The following GABRR1 variants were observed in gnomAD, a reference collection of about 807,000 sequenced individuals.
GABRR1 encodes the protein gamma-aminobutyric acid type A receptor subunit rho1.
Under a neutral mutation model 55.5 loss-of-function variants are expected in GABRR1, and 59 were observed. That is an observed-to-expected ratio of 1.06 (90% CI 0.86 to 1.32). The LOEUF (loss-of-function observed/expected upper bound fraction) is 1.32. GABRR1 is among the 40% of genes most tolerant of loss of function. The pLI is 0.00. For missense variants in GABRR1, 602 were observed against 619.1 expected (o/e 0.97, Z 0.29); for synonymous variants, 213 against 226.0 (o/e 0.94, Z 0.51).
chr6:89,181,503 A>G (rs1236453650), intron 8 of GABRR1, among the ~76,000 whole-genome samples: 1 of 152,226 alleles, frequency 6.6e-6, no homozygotes, highest in Non-Finnish European at 1.5e-5. Context: ...CTATAGATGC[A>G]GATGAGACCC....
intron 1 of GABRR1, among the ~76,000 whole-genome samples, chr6:89,226,298 G>A (rs941037258): frequency 1.4e-5 from 2 of 143,416 alleles, no homozygotes; most frequent in Non-Finnish European, 3.1e-5. Flanking sequence ...TTTGTCTTTT[G>A]TTGCCATTGC....
chr6:89,214,373 T>C (rs1046600059), intron 1 of GABRR1, among the ~76,000 whole-genome samples: 1 of 150,872 alleles, frequency 6.6e-6, no homozygotes, highest in Non-Finnish European at 1.5e-5. Flanking sequence ...TCCAAAAGCT[T>C]GGGCAACAAA....
intron 1 of GABRR1, 145 bp downstream of exon 1, chr6:89,217,056 C>T: frequency 1.4e-6 from 1 of 739,132 alleles, no homozygotes; most frequent in Non-Finnish European, 2.1e-6. Context: ...AGGGGAGCAG[C>T]AGGAGAACAA....
At chr6:89,218,097 A>T (rs184141953), upstream of GABRR1, among the ~76,000 whole-genome samples, 1 of 152,216 alleles carries the variant, frequency 6.6e-6, no homozygotes, top group African/African-American at 2.4e-5. Context: ...AGACTCTGCT[A>T]TAATCTACAG....
intron 7 of GABRR1, among the ~76,000 whole-genome samples, chr6:89,184,971 C>T (rs1456896883): frequency 4.0e-5 from 6 of 150,444 alleles, no homozygotes; most frequent in South Asian, 2.1e-4. Flanking sequence ...CTGTAACCTC[C>T]GACTCCAGGG....
intron 7 of GABRR1, among the ~76,000 whole-genome samples, chr6:89,184,132 C>T (rs369600723): frequency 6.6e-5 from 10 of 151,510 alleles, no homozygotes; most frequent in African/African-American, 2.2e-4. Context: ...CCCAGCTACT[C>T]GGGAGGCTGA....
chr6:89,178,809 G>T lies in GABRR1; in HGVS notation c.1401C>A (p.Tyr467Ter). Reference protein sequence around the residue: ...KYSRIIFPAAYILFNLIYWSI... With the variant: ...KYSRIIFPAA ...ACCAGTATATTAAATTGAATAAAAT[G>T]TATGCTGCTGGAAAGATGATCCTGG... Residue 467 changes from tyrosine to a stop codon, truncating the protein, a stop_gained, in exon 10 of 10, where the codon TAC becomes TAA. Coordinates refer to ENST00000454853, the MANE Select transcript of GABRR1 (RefSeq NM_002042.5). LOFTEE classifies it high-confidence loss of function. The T allele has an allele frequency of 6.2e-7, 1 of 1,613,958 alleles. No homozygotes were observed. Among genetic ancestry groups the T allele is most frequent in the East Asian group, 2.2e-5 (1 of 44,880 alleles).
rs1295743176 is a variant in GABRR1, at chr6:89,217,290, G to T, written c.33C>A (p.Ile11=). 4 of 1,614,012 alleles carry T rather than the reference G, an allele frequency of 2.5e-6. No individual in the cohort carries two copies. Among genetic ancestry groups the T allele is most frequent in the South Asian group, 1.1e-5 (1 of 91,086 alleles). The change falls in exon 1 of 10, where the codon ATC becomes ATA. Residue 11 remains isoleucine, a synonymous_variant. Coordinates refer to ENST00000454853, the MANE Select transcript of GABRR1 (RefSeq NM_002042.5). ...AAACCCATCCCCACCACAAAAGAAA[G>T]ATGCCAAATCTCATATTTGGGACAG... The part of the protein sequence containing the change: MLAVPNMRFG[I]FLLWWGWVLA...
At chr6:89,192,199 T>C (rs1772116946) in intron 5 of GABRR1, among the ~76,000 whole-genome samples, 1 of 152,110 alleles carries the variant, frequency 6.6e-6, no homozygotes, top group African/African-American at 2.4e-5. Flanking sequence ...TGTTACCTGG[T>C]GGAAGCTGAT....
chr6:89,207,940 A>C (rs1243313279), intron 1 of GABRR1, among the ~76,000 whole-genome samples: 1 of 152,190 alleles, frequency 6.6e-6, no homozygotes, highest in Non-Finnish European at 1.5e-5. Flanking sequence ...TACTGGTGGG[A>C]GATGGCAAGT....
At chr6:89,194,988 G>T (rs139716711) in intron 5 of GABRR1, among the ~76,000 whole-genome samples, 2 of 152,194 alleles carry the variant, frequency 1.3e-5, no homozygotes, top group African/African-American at 4.8e-5. Context: ...ATAATAACAG[G>T]AAACTTTCCA....
intron 2 of GABRR1, among the ~76,000 whole-genome samples, chr6:89,201,640 G>A (rs770671512): frequency 2.9e-4 from 44 of 152,100 alleles, no homozygotes; most frequent in Non-Finnish European, 5.4e-4. Flanking sequence ...TTAGCTGGGC[G>A]TGGTGGCAGG....
intron 5 of GABRR1, among the ~76,000 whole-genome samples, chr6:89,196,750 C>G (rs1266670077): frequency 6.7e-6 from 1 of 148,748 alleles, no homozygotes; most frequent in Non-Finnish European, 1.5e-5. Flanking sequence ...GCACTCCAGC[C>G]TGGGCAATAG....
upstream of GABRR1, chr6:89,217,375 G>A (rs111576870): frequency 0.021 from 33,324 of 1,587,736 alleles, 456 homozygotes; most frequent in Non-Finnish European, 0.023. Context: ...GGAAAAGATT[G>A]TTCTTTTTCT....
rs1400541367 is a variant in GABRR1 at position 89,178,202 on chromosome 6, A to G, written c.*568T>C. ...TGAAGGGGTAAAGCCTGTGAACCAC[A>G]GCATATAAAGAAAAATAATGTGAAT... On this transcript the variant is annotated 3_prime_UTR_variant, in exon 10 of 10. Transcript: ENST00000454853. 2 of 154,598 alleles carry G rather than the reference A, an allele frequency of 1.3e-5. No homozygotes were observed. Among genetic ancestry groups the G allele is most frequent in the Non-Finnish European group, 2.9e-5 (2 of 69,584 alleles). The allele number at this position is 154,598 out of a possible 1,614,324, so 9.6% of individuals were successfully genotyped here. A position where few individuals can be genotyped will look rare whatever the true frequency, so the allele number is the denominator to read the frequency against.
At chr6:89,220,760 G>T (rs1443846512), upstream of GABRR1, among the ~76,000 whole-genome samples, 1 of 151,648 alleles carries the variant, frequency 6.6e-6, no homozygotes, top group Admixed American at 6.6e-5. Context: ...CGTTCTTGTT[G>T]CCCAGGCTGG....
intron 2 of GABRR1, among the ~76,000 whole-genome samples, chr6:89,202,912 A>G (rs1772523808): frequency 6.6e-6 from 1 of 151,696 alleles, no homozygotes; most frequent in African/African-American, 2.4e-5. Context: ...TGGGGGTTCT[A>G]CTATGTTGCC....
chr6:89,217,249 C>CT lies in GABRR1; in HGVS notation c.73dup (p.Arg25LysfsTer14). Reference sequence around the variant, plus strand: ...GACTTCTCTTCCGGGCCAGTGCATTCTGCTTTCAGTGGCCAAAACCCATCC... The same window carrying CT: ...GACTTCTCTTCCGGGCCAGTGCATTCTTGCTTTCAGTGGCCAAAACCCATCC... On this transcript the variant is annotated frameshift_variant, in exon 1 of 10. Transcript: ENST00000454853. LOFTEE classifies it high-confidence loss of function. 6.2e-7 allele frequency: 1 copy of CT among 1,614,116 alleles called. No homozygotes were observed. Among genetic ancestry groups the CT allele is most frequent in the Non-Finnish European group, 8.5e-7 (1 of 1,180,002 alleles).
At chr6:89,203,269 C>CA (rs1388428731) in intron 2 of GABRR1, among the ~76,000 whole-genome samples, 166 bp downstream of exon 2, 1 of 152,172 alleles carries the variant, frequency 6.6e-6, no homozygotes, top group Non-Finnish European at 1.5e-5. Flanking sequence ...GCCACCCCGC[C>CA]ACCCCTGACT....
Sources: gnomAD v4.1 joint callset for allele counts (sites outside exome capture counted in the v4.1 genomes callset) on GRCh38, gnomAD v4.1.1 for gene constraint, MANE v1.5 for transcripts, NCBI Gene and HGNC (gene_info 2026-07-23, HGNC 2026-07-21) for gene names.